Variants in GPHN observed in about 807,000 individuals in gnomAD.
GPHN encodes gephyrin.
A neutral mutation model predicts 95.5 loss-of-function variants in GPHN; 17 were observed. The observed-to-expected ratio is 0.18, with a 90% CI of 0.12 to 0.27. The LOEUF is 0.27. Among genes scored for constraint, GPHN ranks in the 10% least tolerant of loss-of-function variants. GPHN has a pLI of 1.00. For missense variants in GPHN, 660 were observed against 978.1 expected (o/e 0.67, Z 4.34); for synonymous variants, 320 against 322.5 (o/e 0.99, Z 0.08).
At chr14:66,742,453 A>G (rs1400580818) in intron 2 of GPHN, among the ~76,000 whole-genome samples, 1 of 152,138 alleles carries the variant, frequency 6.6e-6, no homozygotes, top group Non-Finnish European at 1.5e-5. Context: ...CTGTTTGGGC[A>G]GGATTGCATA....
chr14:66,857,895 C>T (rs1389268104), intron 4 of GPHN, among the ~76,000 whole-genome samples: 1 of 152,156 alleles, frequency 6.6e-6, no homozygotes, highest in African/African-American at 2.4e-5. Context: ...TAGCATTGGA[C>T]ACAGTGCTGC....
the GPHN span, chr14:67,333,816 TAA>T: frequency 1.3e-5 from 2 of 150,016 alleles, no homozygotes; most frequent in South Asian, 4.3e-4. Context: ...TGTATTGACT[TAA>T]AAAGTTTCTT....
the GPHN span, among the ~76,000 whole-genome samples, chr14:67,640,532 A>G: frequency 6.6e-6 from 1 of 152,184 alleles, no homozygotes. Context: ...TGGGTTCAAG[A>G]GGTAGAGCTC....
At chr14:67,350,162 C>T in the GPHN span, among the ~76,000 whole-genome samples, 4 of 152,142 alleles carry the variant, frequency 2.6e-5, no homozygotes, top group Non-Finnish European at 5.9e-5. Context: ...AAGTTCATGC[C>T]TTTTAAATAA....
At chr14:66,555,672 G>C (rs117334680) in intron 1 of GPHN, among the ~76,000 whole-genome samples, 108 of 152,108 alleles carry the variant, frequency 7.1e-4, no homozygotes, top group Middle Eastern at 3.4e-3. Context: ...CTAACCTTTA[G>C]GTTTGTCTTA....
chr14:67,117,264 C>T (rs528345165), intron 16 of GPHN, among the ~76,000 whole-genome samples: 2 of 152,238 alleles, frequency 1.3e-5, no homozygotes, highest in South Asian at 2.1e-4. Context: ...TCCATCAAGA[C>T]TATAGGATTA....
chr14:66,719,948 T>C (rs1266396177), intron 2 of GPHN, among the ~76,000 whole-genome samples: 2 of 152,232 alleles, frequency 1.3e-5, no homozygotes, highest in African/African-American at 4.8e-5. Context: ...AAAGAGTTAT[T>C]AAAATGTTAT....
chr14:67,702,575 C>G, the GPHN span, among the ~76,000 whole-genome samples: 1 of 152,016 alleles, frequency 6.6e-6, no homozygotes, highest in Non-Finnish European at 1.5e-5. Context: ...TGTATGTTGA[C>G]AATTTTGAAG....
At chr14:67,535,295 A>G in the GPHN span, among the ~76,000 whole-genome samples, 3 of 151,300 alleles carry the variant, frequency 2.0e-5, no homozygotes, top group East Asian at 3.9e-4. Flanking sequence ...CTTTTGTTCA[A>G]TGTTCTAAAA....
chr14:66,978,855 T>A (rs2070446321), intron 9 of GPHN, among the ~76,000 whole-genome samples: 1 of 152,210 alleles, frequency 6.6e-6, no homozygotes, highest in Non-Finnish European at 1.5e-5. Context: ...ATTTTTAAAA[T>A]AATAACATTT....
chr14:66,579,320 A>T (rs987313607), intron 1 of GPHN, among the ~76,000 whole-genome samples: 1 of 151,832 alleles, frequency 6.6e-6, no homozygotes, highest in African/African-American at 2.4e-5. Flanking sequence ...CCAGAAAACA[A>T]TGAACAAAAT....
At chr14:67,206,870 A>C in the GPHN span, among the ~76,000 whole-genome samples, 2 of 152,084 alleles carry the variant, frequency 1.3e-5, no homozygotes, top group East Asian at 3.9e-4. Flanking sequence ...AGCTGGGATT[A>C]CAGGTGCCCA....
chr14:67,665,713 A>G, the GPHN span, among the ~76,000 whole-genome samples: 11 of 152,182 alleles, frequency 7.2e-5, no homozygotes, highest in African/African-American at 2.4e-4. Flanking sequence ...ACCTCCTTAG[A>G]TGTGGCTACT....
chr14:67,195,619 T>C, the GPHN span, among the ~76,000 whole-genome samples: 1 of 152,128 alleles, frequency 6.6e-6, no homozygotes, highest in East Asian at 1.9e-4. Context: ...TCCTCAAATC[T>C]AAGATACACC....
chr14:67,249,489 T>G, the GPHN span, among the ~76,000 whole-genome samples: 25 of 152,216 alleles, frequency 1.6e-4, no homozygotes, highest in Non-Finnish European at 3.5e-4. Flanking sequence ...TAATAAATAT[T>G]CACTTATTCA....
At chr14:66,724,163 G>A (rs2071013460) in intron 2 of GPHN, among the ~76,000 whole-genome samples, 1 of 151,876 alleles carries the variant, frequency 6.6e-6, no homozygotes, top group African/African-American at 2.4e-5. Flanking sequence ...TTGTGATTCT[G>A]GCATATGGGA....
At chr14:67,121,622 G>A (rs191911580) in intron 16 of GPHN, among the ~76,000 whole-genome samples, 2 of 152,110 alleles carry the variant, frequency 1.3e-5, no homozygotes, top group South Asian at 2.1e-4. Flanking sequence ...AATAAGCTTC[G>A]TTAATTTTCT....
At chr14:67,508,837 G>A in the GPHN span, among the ~76,000 whole-genome samples, 1 of 150,126 alleles carries the variant, frequency 6.7e-6, no homozygotes, top group East Asian at 2.0e-4. Flanking sequence ...GGTCACCTTT[G>A]AATGGAGAAA....
chr14:67,599,959 C>CCCAAAGACCCTCCCAAAG, the GPHN span: 4 of 1,403,718 alleles, frequency 2.8e-6, no homozygotes, highest in East Asian at 1.0e-4. Flanking sequence ...GACCAAAGAC[C>CCCAAAGACCCTCCCAAAG]CCAAAGACCC....
Sources: allele counts gnomAD v4.1 joint callset (sites outside exome capture counted in the v4.1 genomes callset), GRCh38; gene constraint gnomAD v4.1.1; transcripts MANE v1.5; gene names NCBI Gene and HGNC (gene_info 2026-07-23, HGNC 2026-07-21).